Variants in CNTNAP2 observed in about 807,000 individuals in gnomAD.
CNTNAP2 encodes contactin associated protein 2.
Under a neutral mutation model 155.2 loss-of-function variants are expected in CNTNAP2, and 98 were observed. The ratio of observed to expected loss-of-function variants is 0.63; its 90% CI spans 0.54 to 0.75. The LOEUF (loss-of-function observed/expected upper bound fraction) is 0.75. Among genes scored for constraint, CNTNAP2 ranks in the 30% least tolerant of loss-of-function variants. CNTNAP2 has a pLI of 0.00. For missense variants in CNTNAP2, 1,727 were observed against 1,688.1 expected, an observed-to-expected ratio of 1.02 and a Z score of -0.40; for synonymous variants, 651 against 631.2, an observed-to-expected ratio of 1.03 and a Z score of -0.47.
intron 13 of CNTNAP2, among the ~76,000 whole-genome samples, chr7:147,870,921 G>A (rs1320167008): frequency 2.6e-5 from 4 of 151,996 alleles, no homozygotes; most frequent in Non-Finnish European, 5.9e-5. Context: ...TATCCCTCAG[G>A]CTAACCAAGC....
chr7:147,534,093 A>C (rs1053603773), intron 11 of CNTNAP2, among the ~76,000 whole-genome samples: 1 of 152,192 alleles, frequency 6.6e-6, no homozygotes, highest in African/African-American at 2.4e-5. Context: ...ATTTTGGGGC[A>C]TTGTGTAAGC....
rs34591496 is a variant in CNTNAP2 at position 148,024,157 on chromosome 7, T to TAAAAAA, written c.2383+46185_2383+46190dup. The stretch of plus-strand genomic sequence containing the variant: ...CCCATATAGATCAACCTTTAAAGTG[T>TAAAAAA]AAAAAAAAAAAAAAAAAAAAAACTT... On this transcript the variant is annotated intron_variant, in intron 15 of 23. Coordinates refer to ENST00000361727, the MANE Select transcript of CNTNAP2 (RefSeq NM_014141.6). Among the ~76,000 whole-genome samples the TAAAAAA allele has an allele frequency of 2.1e-4, 23 of 107,588 alleles. 1 individual carries two copies. The highest frequency in any genetic ancestry group is 5.4e-3 in the Middle Eastern group (1 of 186). 70.6% of individuals were successfully genotyped at this position (107,588 alleles called of 152,430 possible). A position where few individuals can be genotyped will look rare whatever the true frequency, so the allele number is the denominator to read the frequency against.
intron 12 of CNTNAP2, among the ~76,000 whole-genome samples, chr7:147,633,323 TG>T (rs1234155861): frequency 6.6e-6 from 1 of 152,192 alleles, no homozygotes; most frequent in Non-Finnish European, 1.5e-5. Context: ...TGTATGGAAA[TG>T]CCTGGATGTC....
At chr7:147,346,200 T>C (rs949667411) in intron 9 of CNTNAP2, among the ~76,000 whole-genome samples, 12 of 149,510 alleles carry the variant, frequency 8.0e-5, no homozygotes, top group African/African-American at 2.9e-4. Flanking sequence ...CAGGCCGGAC[T>C]GCGGACTGCA....
chr7:148,374,758 C>A (rs1368665990), intron 21 of CNTNAP2, among the ~76,000 whole-genome samples: 2 of 152,206 alleles, frequency 1.3e-5, no homozygotes, highest in South Asian at 2.1e-4. Context: ...CAGGTCTGTT[C>A]ATTCCCAGCT....
chr7:147,743,035 T>G (rs1796978954), intron 13 of CNTNAP2, among the ~76,000 whole-genome samples: 1 of 152,194 alleles, frequency 6.6e-6, no homozygotes, highest in Admixed American at 6.5e-5. Context: ...TTTTTTATAA[T>G]AAAATTTATC....
intron 4 of CNTNAP2, among the ~76,000 whole-genome samples, chr7:147,057,058 C>T (rs984697958): frequency 6.6e-6 from 1 of 152,016 alleles, no homozygotes; most frequent in African/African-American, 2.4e-5. Context: ...CCTTGGCCTC[C>T]CAAAGTGTTG....
At chr7:146,380,108 A>G (rs1795359930) in intron 1 of CNTNAP2, among the ~76,000 whole-genome samples, 1 of 152,208 alleles carries the variant, frequency 6.6e-6, no homozygotes, top group African/African-American at 2.4e-5. Context: ...GACTTCTTAA[A>G]TGAAAATAAA....
At chr7:148,209,001 T>C (rs1247676646) in intron 18 of CNTNAP2, among the ~76,000 whole-genome samples, 1 of 152,170 alleles carries the variant, frequency 6.6e-6, no homozygotes, top group Non-Finnish European at 1.5e-5. Context: ...ATTCTATCCA[T>C]GCTTGCATTG....
chr7:146,208,446 A>G (rs1238902002), intron 1 of CNTNAP2, among the ~76,000 whole-genome samples: 1 of 152,116 alleles, frequency 6.6e-6, no homozygotes, highest in Non-Finnish European at 1.5e-5. Flanking sequence ...GCTTGTTCCA[A>G]TGACTAATTA....
At chr7:146,673,010 T>A (rs1269753426) in intron 1 of CNTNAP2, among the ~76,000 whole-genome samples, 2 of 152,270 alleles carry the variant, frequency 1.3e-5, no homozygotes, top group African/African-American at 4.8e-5. Flanking sequence ...TTTTTTTTCT[T>A]ATCAAAATTC....
intron 8 of CNTNAP2, among the ~76,000 whole-genome samples, chr7:147,182,589 C>G (rs1802484702): frequency 6.6e-6 from 1 of 151,982 alleles, no homozygotes; most frequent in Admixed American, 6.6e-5. Context: ...AAACTCTACT[C>G]ATTGCCTTAG....
chr7:147,667,170 G>C (rs1795708942), intron 13 of CNTNAP2, among the ~76,000 whole-genome samples: 3 of 152,268 alleles, frequency 2.0e-5, no homozygotes, highest in Admixed American at 2.0e-4. Flanking sequence ...GAAAGTAAGT[G>C]GTGAGTCTGC....
At chr7:148,062,011 T>TAGATGATAGAG (rs1803163415) in intron 15 of CNTNAP2, among the ~76,000 whole-genome samples, 98 of 84,158 alleles carry the variant, frequency 1.2e-3, no homozygotes, top group East Asian at 0.01. Context: ...AGATAGATGA[T>TAGATGATAGAG]AGAGAGAGAG....
chr7:148,335,740 T>G (rs1309689006), intron 21 of CNTNAP2, among the ~76,000 whole-genome samples: 3 of 152,252 alleles, frequency 2.0e-5, no homozygotes, highest in South Asian at 2.1e-4. Context: ...CTCCGTCTGC[T>G]GACTCACATT....
At chr7:146,912,512 G>A (rs1163229908) in intron 3 of CNTNAP2, among the ~76,000 whole-genome samples, 1 of 152,026 alleles carries the variant, frequency 6.6e-6, no homozygotes, top group African/African-American at 2.4e-5. Context: ...GGGTAACAAT[G>A]TTTTAAATTA....
chr7:146,246,334 C>T (rs1089600), intron 1 of CNTNAP2, among the ~76,000 whole-genome samples: 47,120 of 148,952 alleles, frequency 0.32, 13,247 homozygotes, highest in African/African-American at 0.77. Context: ...GGGAAGCAGA[C>T]AATTTAGTTA....
intron 1 of CNTNAP2, among the ~76,000 whole-genome samples, chr7:146,469,459 C>G (rs1796762460): frequency 6.7e-6 from 1 of 149,926 alleles, no homozygotes; most frequent in Non-Finnish European, 1.5e-5. Flanking sequence ...CATACATGCT[C>G]TTTCTCTTCT....
intron 1 of CNTNAP2, among the ~76,000 whole-genome samples, chr7:146,671,450 CACGG>C (rs1248025624): frequency 1.3e-5 from 2 of 151,910 alleles, no homozygotes; most frequent in African/African-American, 4.8e-5. Flanking sequence ...CACACACACA[CACGG>C]ACACACATAT....
Sources: gnomAD v4.1 joint callset for allele counts (sites outside exome capture counted in the v4.1 genomes callset) on GRCh38, gnomAD v4.1.1 for gene constraint, MANE v1.5 for transcripts, NCBI Gene and HGNC (gene_info 2026-07-23, HGNC 2026-07-21) for gene names.